The following MAGI2 variants were observed in gnomAD, a reference collection of about 807,000 sequenced individuals.
MAGI2 encodes the protein membrane-associated guanylate kinase, WW and PDZ domain-containing protein 2.
In MAGI2, 35 loss-of-function variants were observed where a neutral mutation model predicts 133.3. That is an observed-to-expected ratio of 0.26 (90% CI 0.20 to 0.35). The LOEUF is 0.35. MAGI2 is among the 10% of genes least tolerant of loss of function. MAGI2 has a pLI of 1.00. For synonymous variants in MAGI2, 729 were observed against 710.6 expected (o/e 1.03, Z -0.41); for missense variants, 1,636 against 1,863.4 (o/e 0.88, Z 2.25).
At chr7:78,520,028 C>T (rs1387613401) in intron 4 of MAGI2, among the ~76,000 whole-genome samples, 1 of 152,156 alleles carries the variant, frequency 6.6e-6, no homozygotes, top group African/African-American at 2.4e-5. Context: ...AGGAAGGTAT[C>T]TAATTGCTTG....
intron 2 of MAGI2, among the ~76,000 whole-genome samples, chr7:78,860,424 G>A (rs1584187935): frequency 6.6e-6 from 1 of 152,228 alleles, no homozygotes; most frequent in Middle Eastern, 3.4e-3. Context: ...TGGGGTTTTG[G>A]TGTGGATGTC....
intron 2 of MAGI2, among the ~76,000 whole-genome samples, chr7:78,668,214 T>C (rs1813874030): frequency 6.6e-6 from 1 of 152,178 alleles, no homozygotes; most frequent in African/African-American, 2.4e-5. Context: ...TCTGTTCATG[T>C]CCTTCGCCCA....
chr7:79,121,591 T>C (rs1819909582), intron 1 of MAGI2, among the ~76,000 whole-genome samples: 1 of 152,116 alleles, frequency 6.6e-6, no homozygotes, highest in Admixed American at 6.6e-5. Flanking sequence ...CGCAAATGCA[T>C]TCACATCAAC....
intron 1 of MAGI2, among the ~76,000 whole-genome samples, chr7:79,407,058 G>A (rs981874011): frequency 6.6e-6 from 1 of 152,100 alleles, no homozygotes; most frequent in Non-Finnish European, 1.5e-5. Context: ...TAGAAAGATG[G>A]ATTATTAAAG....
intron 6 of MAGI2, among the ~76,000 whole-genome samples, chr7:78,449,915 T>G (rs914951615): frequency 6.6e-6 from 1 of 152,090 alleles, no homozygotes; most frequent in Non-Finnish European, 1.5e-5. Flanking sequence ...AAATCATCCC[T>G]CATAGCATAT....
At chr7:78,071,924 C>A (rs148933389) in intron 21 of MAGI2, among the ~76,000 whole-genome samples, 1 of 152,182 alleles carries the variant, frequency 6.6e-6, no homozygotes, top group Non-Finnish European at 1.5e-5. Context: ...GGCTATGGTG[C>A]CACTTAAAAC....
chr7:78,084,459 T>C (rs1816396060), intron 20 of MAGI2, among the ~76,000 whole-genome samples: 1 of 148,626 alleles, frequency 6.7e-6, no homozygotes, highest in Non-Finnish European at 1.5e-5. Flanking sequence ...TCAGCGATAG[T>C]AAACGTCTTC....
intron 1 of MAGI2, among the ~76,000 whole-genome samples, chr7:79,373,271 T>C (rs1843170237): frequency 6.6e-6 from 1 of 152,004 alleles, no homozygotes. Context: ...TATTTAATCA[T>C]TGAATAAAGA....
At chr7:78,914,688 G>A (rs73706519) in intron 2 of MAGI2, among the ~76,000 whole-genome samples, 2,414 of 152,208 alleles carry the variant, frequency 0.016, 74 homozygotes, top group African/African-American at 0.055. Flanking sequence ...CATATGTACA[G>A]AAATATATTG....
At chr7:78,679,311 C>T (rs1455614934) in intron 2 of MAGI2, among the ~76,000 whole-genome samples, 1 of 152,120 alleles carries the variant, frequency 6.6e-6, no homozygotes, top group Non-Finnish European at 1.5e-5. Context: ...ACATGCCTAT[C>T]TGCCCCATTA....
intron 1 of MAGI2, among the ~76,000 whole-genome samples, chr7:79,157,052 A>G (rs1437410759): frequency 6.6e-6 from 1 of 152,090 alleles, no homozygotes; most frequent in Non-Finnish European, 1.5e-5. Flanking sequence ...AGTTGTTGCT[A>G]AAGGATCCTA....
intron 2 of MAGI2, among the ~76,000 whole-genome samples, chr7:78,759,081 G>A (rs1358917606): frequency 2.6e-5 from 4 of 152,094 alleles, no homozygotes; most frequent in Non-Finnish European, 5.9e-5. Context: ...TTCGTGGAAT[G>A]CAAATACAAC....
chr7:78,348,968 G>A (rs16885947), intron 7 of MAGI2, among the ~76,000 whole-genome samples: 7 of 152,150 alleles, frequency 4.6e-5, no homozygotes, highest in South Asian at 2.1e-4. Flanking sequence ...AAGATGCACC[G>A]AAGCCAGTTG....
At chr7:78,096,981 C>A (rs1304918033) in intron 20 of MAGI2, among the ~76,000 whole-genome samples, 3 of 152,068 alleles carry the variant, frequency 2.0e-5, no homozygotes, top group East Asian at 1.9e-4. Flanking sequence ...GAACAAACAA[C>A]CCCATTAAAA....
At chr7:78,768,947 TCTTAATCAGTCC>T (rs1196653392) in intron 2 of MAGI2, among the ~76,000 whole-genome samples, 8 of 152,100 alleles carry the variant, frequency 5.3e-5, no homozygotes. Context: ...CAACACATGC[TCTTAATCAGTCC>T]CTCAAACCAG....
At chr7:79,424,482 A>T (rs375042620) in intron 1 of MAGI2, among the ~76,000 whole-genome samples, 14 of 152,078 alleles carry the variant, frequency 9.2e-5, no homozygotes, top group South Asian at 4.1e-4. Context: ...CAAGAGATCT[A>T]TTTTACAGCA....
At chr7:78,486,906 A>T (rs925564743) in intron 6 of MAGI2, 1 of 517,582 alleles carries the variant, frequency 1.9e-6, no homozygotes, top group African/African-American at 1.9e-5. Context: ...TTTGTGGGCC[A>T]GGAACGTACC....
intron 2 of MAGI2, among the ~76,000 whole-genome samples, chr7:78,783,983 C>T (rs1264272290): frequency 5.3e-5 from 8 of 151,958 alleles, no homozygotes; most frequent in Non-Finnish European, 5.9e-5. Context: ...GGGATATAGC[C>T]CTTTTTTAAT....
At chr7:78,969,864 A>G (rs1334362464) in intron 2 of MAGI2, among the ~76,000 whole-genome samples, 1 of 152,036 alleles carries the variant, frequency 6.6e-6, no homozygotes, top group Non-Finnish European at 1.5e-5. Context: ...TATGCTAAAT[A>G]TTTTGCACGT....
Sources: gnomAD v4.1 joint callset for allele counts (sites outside exome capture counted in the v4.1 genomes callset) on GRCh38, gnomAD v4.1.1 for gene constraint, MANE v1.5 for transcripts, NCBI Gene and HGNC (gene_info 2026-07-23, HGNC 2026-07-21) for gene names.